PRKG1: variants seen among roughly 807,000 people sequenced by gnomAD.
PRKG1 encodes protein kinase cGMP-dependent 1, also known as cGMP-dependent protein kinase 1.
Under a neutral mutation model 88.1 loss-of-function variants are expected in PRKG1, and 35 were observed. The ratio of observed to expected loss-of-function variants is 0.40; its 90% CI spans 0.30 to 0.53. The LOEUF is 0.53. Ranked by LOEUF, PRKG1 falls within the 20% of genes least tolerant of loss-of-function variation. PRKG1 has a pLI of 0.59. For synonymous variants in PRKG1, 303 were observed against 292.5 expected, an observed-to-expected ratio of 1.04 and a Z score of -0.37; for missense variants, 540 against 839.8, an observed-to-expected ratio of 0.64 and a Z score of 4.41.
At chr10:52,173,991 C>T (rs750234209) in intron 9 of PRKG1, among the ~76,000 whole-genome samples, 3 of 152,088 alleles carry the variant, frequency 2.0e-5, no homozygotes, top group Non-Finnish European at 4.4e-5. Flanking sequence ...TTTGGTTCAG[C>T]CCAGTATGCC....
At chr10:51,772,889 T>TA (rs1175738204) in intron 3 of PRKG1, among the ~76,000 whole-genome samples, 2 of 152,068 alleles carry the variant, frequency 1.3e-5, no homozygotes, top group Non-Finnish European at 2.9e-5. Context: ...ACAAAGAAAG[T>TA]AAACATCATA....
At chr10:52,093,965 AC>A (rs1367588404) in intron 7 of PRKG1, among the ~76,000 whole-genome samples, 4 of 152,058 alleles carry the variant, frequency 2.6e-5, no homozygotes, top group African/African-American at 9.7e-5. Flanking sequence ...CAGATTAAGA[AC>A]CCCTATGGTT....
At chr10:52,033,758 C>T (rs1342357276) in intron 5 of PRKG1, among the ~76,000 whole-genome samples, 1 of 152,132 alleles carries the variant, frequency 6.6e-6, no homozygotes, top group Non-Finnish European at 1.5e-5. Context: ...TGGTAAATTT[C>T]ATGCACGTCC....
chr10:52,068,886 G>C (rs1846425885), intron 7 of PRKG1, among the ~76,000 whole-genome samples: 2 of 152,296 alleles, frequency 1.3e-5, no homozygotes, highest in East Asian at 1.9e-4. Flanking sequence ...CTGGTTCTCT[G>C]AGAGTTGGCC....
At chr10:51,115,209 G>A (rs1179415633) in intron 1 of PRKG1, among the ~76,000 whole-genome samples, 1 of 148,608 alleles carries the variant, frequency 6.7e-6, no homozygotes, top group Non-Finnish European at 1.5e-5. Flanking sequence ...AGCTACTCAG[G>A]AGGCTGAGGC....
intron 3 of PRKG1, among the ~76,000 whole-genome samples, chr10:51,602,125 T>C (rs1411107160): frequency 6.6e-6 from 1 of 152,140 alleles, no homozygotes; most frequent in Non-Finnish European, 1.5e-5. Context: ...TTGTTAGAGT[T>C]CCACAGTAAG....
intron 5 of PRKG1, among the ~76,000 whole-genome samples, chr10:52,035,271 CT>C (rs1041779476): frequency 1.3e-5 from 2 of 152,114 alleles, no homozygotes; most frequent in Non-Finnish European, 2.9e-5. Context: ...TTGAGTAAAG[CT>C]AATTTGCCAG....
intron 3 of PRKG1, among the ~76,000 whole-genome samples, chr10:51,674,270 T>G (rs1042957470): frequency 1.2e-4 from 18 of 151,986 alleles, no homozygotes; most frequent in Admixed American, 3.9e-4. Flanking sequence ...GCCCCCATCA[T>G]GCACCCATCA....
intron 2 of PRKG1, among the ~76,000 whole-genome samples, chr10:51,374,112 A>ATATATATATATGTG (rs886440031): frequency 1.4e-5 from 2 of 143,804 alleles, no homozygotes; most frequent in African/African-American, 5.0e-5. Flanking sequence ...ATATATATAT[A>ATATATATATATGTG]TGTACTTTAA....
At chr10:51,827,311 A>G (rs978485828) in intron 4 of PRKG1, among the ~76,000 whole-genome samples, 4 of 152,146 alleles carry the variant, frequency 2.6e-5, no homozygotes, top group African/African-American at 9.7e-5. Flanking sequence ...ATTTTTGGCT[A>G]ATTTTTATTC....
At chr10:52,205,657 CCTT>C (rs1839800322) in intron 9 of PRKG1, among the ~76,000 whole-genome samples, 2 of 152,186 alleles carry the variant, frequency 1.3e-5, no homozygotes, top group East Asian at 3.9e-4. Flanking sequence ...TTTTATTTCT[CCTT>C]CTTTTATGAA....
rs1491127245 is a variant in PRKG1, at chr10:51,570,067, A to ATG, written c.592+102243_592+102244dup. ...CAAACTAGTATATATATATATATATATGTGTGTGTGTGTTTATATATGTAT... is the reference window on the plus strand; with the variant it reads ...CAAACTAGTATATATATATATATATATGTGTGTGTGTGTGTTTATATATGTAT... On this transcript the variant is annotated intron_variant, in intron 3 of 17. Coordinates refer to ENST00000373980, the MANE Select transcript of PRKG1 (RefSeq NM_006258.4). Among the ~76,000 whole-genome samples the ATG allele has an allele frequency of 2.4e-3, 265 of 112,320 alleles. 2 individuals are homozygous for ATG. Among genetic ancestry groups the ATG allele is most frequent in the South Asian group, 3.6e-3 (13 of 3,596 alleles). 73.7% of individuals were successfully genotyped at this position (112,320 alleles called of 152,430 possible). A position where few individuals can be genotyped will look rare whatever the true frequency, so the allele number is the denominator to read the frequency against.
chr10:51,397,768 C>T (rs753144576), intron 2 of PRKG1, among the ~76,000 whole-genome samples: 2 of 152,186 alleles, frequency 1.3e-5, no homozygotes, highest in Admixed American at 6.5e-5. Context: ...TTTACCTAAC[C>T]TGCTCCTGCC....
At chr10:51,843,880 C>A (rs1419454310) in intron 4 of PRKG1, among the ~76,000 whole-genome samples, 1 of 152,086 alleles carries the variant, frequency 6.6e-6, no homozygotes, top group Non-Finnish European at 1.5e-5. Flanking sequence ...CCACTTAAAA[C>A]GAGCTTCTTT....
chr10:51,954,653 A>G (rs914519310), intron 5 of PRKG1, among the ~76,000 whole-genome samples: 2 of 152,202 alleles, frequency 1.3e-5, no homozygotes, highest in Admixed American at 6.5e-5. Context: ...ACTTGATTTC[A>G]GGAGGAGTCA....
intron 3 of PRKG1, among the ~76,000 whole-genome samples, chr10:51,670,822 G>A (rs1378685214): frequency 6.6e-6 from 1 of 150,868 alleles, no homozygotes; most frequent in African/African-American, 2.4e-5. Context: ...AACAACAAAA[G>A]TACAACTTAA....
chr10:51,006,354 G>A (rs1028664630), intron 1 of PRKG1, among the ~76,000 whole-genome samples: 4 of 152,182 alleles, frequency 2.6e-5, no homozygotes, highest in African/African-American at 4.8e-5. Context: ...TCTCAAGGTT[G>A]TTGAGAGGAT....
chr10:51,817,277 A>G (rs976717037), intron 4 of PRKG1, among the ~76,000 whole-genome samples: 1 of 151,992 alleles, frequency 6.6e-6, no homozygotes, highest in Non-Finnish European at 1.5e-5. Flanking sequence ...TACATGTGCA[A>G]TGGTGGTTTG....
chr10:51,346,152 G>A (rs535893885), intron 2 of PRKG1, among the ~76,000 whole-genome samples: 2 of 152,244 alleles, frequency 1.3e-5, no homozygotes, highest in East Asian at 1.9e-4. Flanking sequence ...ACAGAGGGAC[G>A]CTGAATTCCA....
Sources: gnomAD v4.1 joint callset for allele counts (sites outside exome capture counted in the v4.1 genomes callset) on GRCh38, gnomAD v4.1.1 for gene constraint, MANE v1.5 for transcripts, NCBI Gene and HGNC (gene_info 2026-07-23, HGNC 2026-07-21) for gene names.